The following RBFOX1 variants were observed in gnomAD, a reference collection of about 807,000 sequenced individuals.
The protein encoded by RBFOX1 is RNA binding fox-1 homolog 1.
In RBFOX1, 8 loss-of-function variants were observed where a neutral mutation model predicts 57.7. The observed-to-expected ratio is 0.14, with a 90% CI of 0.08 to 0.25. The LOEUF is 0.25. Ranked by LOEUF, RBFOX1 falls within the 10% of genes least tolerant of loss-of-function variation. The pLI, the probability that RBFOX1 is intolerant of heterozygous loss-of-function variation, is 1.00. For missense variants in RBFOX1, 611 were observed against 548.5 expected (o/e 1.11, Z -1.14); for synonymous variants, 326 against 222.4 (o/e 1.47, Z -4.15).
chr16:6,039,806 C>G (rs1453644229), intron 1 of RBFOX1, among the ~76,000 whole-genome samples: 3 of 152,240 alleles, frequency 2.0e-5, no homozygotes, highest in Admixed American at 6.5e-5. Flanking sequence ...TTTGAGGTCT[C>G]TCCTGATGTT....
chr16:6,526,415 A>T (rs778687777), intron 2 of RBFOX1, among the ~76,000 whole-genome samples: 2 of 152,212 alleles, frequency 1.3e-5, no homozygotes, highest in East Asian at 1.9e-4. Context: ...AGATTCTGCA[A>T]TTATAAGCAC....
chr16:7,067,046 A>G (rs187959283), intron 4 of RBFOX1, among the ~76,000 whole-genome samples: 224 of 152,314 alleles, frequency 1.5e-3, no homozygotes, highest in Admixed American at 4.6e-3. Flanking sequence ...GTAAGTAAAT[A>G]ATAATAAGTT....
At chr16:6,971,066 A>G (rs2085425393) in intron 3 of RBFOX1, among the ~76,000 whole-genome samples, 1 of 152,214 alleles carries the variant, frequency 6.6e-6, no homozygotes, top group Non-Finnish European at 1.5e-5. Flanking sequence ...ATAATGATGA[A>G]AAGGACACAT....
At chr16:6,275,026 T>C (rs2075644339) in intron 1 of RBFOX1, among the ~76,000 whole-genome samples, 1 of 152,130 alleles carries the variant, frequency 6.6e-6, no homozygotes, top group South Asian at 2.1e-4. Flanking sequence ...GACATGGAAA[T>C]ATCCAGTCTT....
chr16:6,315,902 A>G lies in RBFOX1; in HGVS notation c.-126-1093A>G, dbSNP rs143192136. ...CATATATATATCCACATACATACAC[A>G]TATGTCATCTTCATTTATATGTATA... On this transcript the variant is annotated intron_variant, in intron 1 of 15. Transcript: ENST00000550418. Among the ~76,000 whole-genome samples, 46 of 152,308 alleles carry G rather than the reference A, an allele frequency of 3.0e-4. No homozygotes were observed. In the Middle Eastern group the frequency reaches 0.01, roughly 34 times the overall value.
At chr16:7,447,009 T>A (rs2098813917) in intron 4 of RBFOX1, among the ~76,000 whole-genome samples, 1 of 151,406 alleles carries the variant, frequency 6.6e-6, no homozygotes, top group Admixed American at 6.6e-5. Context: ...AGAATGGGTT[T>A]CACCATGTTA....
chr16:6,276,877 C>T (rs79606206), intron 1 of RBFOX1, among the ~76,000 whole-genome samples: 1 of 151,950 alleles, frequency 6.6e-6, no homozygotes. Context: ...AAGACAAGGA[C>T]CATGCTCATT....
At chr16:6,834,933 C>G (rs892419971) in intron 3 of RBFOX1, among the ~76,000 whole-genome samples, 1 of 148,210 alleles carries the variant, frequency 6.7e-6, no homozygotes, top group Non-Finnish European at 1.5e-5. Context: ...CGCTCTGTTG[C>G]CCAGGCTGGA....
intron 4 of RBFOX1, among the ~76,000 whole-genome samples, chr16:5,998,006 C>T (rs2060520367): frequency 6.6e-6 from 1 of 152,158 alleles, no homozygotes; most frequent in Non-Finnish European, 1.5e-5. Flanking sequence ...TAAGGATTTA[C>T]CACTTCAGTT....
intron 2 of RBFOX1, among the ~76,000 whole-genome samples, chr16:6,560,940 C>A (rs2097171723): frequency 1.3e-5 from 2 of 152,124 alleles, no homozygotes; most frequent in Non-Finnish European, 2.9e-5. Flanking sequence ...TGGCATTCAT[C>A]CCTCAGAGGC....
intron 3 of RBFOX1, among the ~76,000 whole-genome samples, chr16:5,701,981 C>G (rs551301802): frequency 1.3e-5 from 2 of 152,260 alleles, no homozygotes; most frequent in East Asian, 3.9e-4. Flanking sequence ...CTTTCAGTGT[C>G]TAGAAGAATG....
At chr16:6,618,748 G>T (rs1005003395) in intron 2 of RBFOX1, among the ~76,000 whole-genome samples, 1 of 152,130 alleles carries the variant, frequency 6.6e-6, no homozygotes, top group Non-Finnish European at 1.5e-5. Context: ...AAAGCTGGCT[G>T]CTCATGGTAA....
chr16:6,782,101 G>A (rs1231528010), intron 3 of RBFOX1, among the ~76,000 whole-genome samples: 2 of 152,012 alleles, frequency 1.3e-5, no homozygotes, highest in East Asian at 3.9e-4. Flanking sequence ...CCGCCTCCTG[G>A]GTTCACGTGA....
chr16:6,920,625 C>G (rs753661695), intron 3 of RBFOX1, among the ~76,000 whole-genome samples: 4 of 152,138 alleles, frequency 2.6e-5, no homozygotes, highest in Non-Finnish European at 5.9e-5. Flanking sequence ...GATATTAGCT[C>G]CTTCTGGAAG....
chr16:5,468,402 G>A (rs1399937678), intron 2 of RBFOX1, among the ~76,000 whole-genome samples: 1 of 152,016 alleles, frequency 6.6e-6, no homozygotes, highest in East Asian at 1.9e-4. Context: ...CTGTCTCTGT[G>A]GGCTCACCTA....
At chr16:7,658,789 A>ATCTC (rs1292211091) in intron 12 of RBFOX1, among the ~76,000 whole-genome samples, 1 of 152,200 alleles carries the variant, frequency 6.6e-6, no homozygotes, top group Non-Finnish European at 1.5e-5. Context: ...CAGTGGTACA[A>ATCTC]TCTCTGCTCA....
chr16:6,699,074 C>G (rs2061459077), intron 3 of RBFOX1, among the ~76,000 whole-genome samples: 1 of 152,102 alleles, frequency 6.6e-6, no homozygotes, highest in South Asian at 2.1e-4. Flanking sequence ...AGTAGGCAGG[C>G]AAGTGACAAT....
intron 2 of RBFOX1, among the ~76,000 whole-genome samples, chr16:5,559,640 T>C (rs1415392578): frequency 2.0e-5 from 3 of 152,196 alleles, no homozygotes; most frequent in African/African-American, 7.2e-5. Context: ...ACCACTCTTT[T>C]CTTGGAAGTT....
rs148042677 is a variant in RBFOX1 at position 7,106,712 on chromosome 16, G to A, written c.27+54614G>A. Among the ~76,000 whole-genome samples, 330 of 152,082 alleles carry A rather than the reference G, an allele frequency of 2.2e-3. 1 individual carries two copies. Among genetic ancestry groups the A allele is most frequent in the African/African-American group, 7.3e-3 (303 of 41,484 alleles). Reference sequence around the variant, plus strand: ...TGTGAGCTCCATGCTAGGTGCTTGAGATATGAATTCATGACACATAATCCC... The same window carrying A: ...TGTGAGCTCCATGCTAGGTGCTTGAAATATGAATTCATGACACATAATCCC... On this transcript the variant is annotated intron_variant, in intron 4 of 15. Transcript: ENST00000550418.
Sources: gnomAD v4.1 joint callset for allele counts (sites outside exome capture counted in the v4.1 genomes callset) on GRCh38, gnomAD v4.1.1 for gene constraint, MANE v1.5 for transcripts, NCBI Gene and HGNC (gene_info 2026-07-23, HGNC 2026-07-21) for gene names.